Variants in RBFOX1 observed in about 807,000 individuals in gnomAD.
RBFOX1 encodes RNA binding fox-1 homolog 1.
RBFOX1 carries 8 observed loss-of-function variants against 57.7 expected under a neutral mutation model. The observed-to-expected ratio is 0.14, with a 90% CI of 0.08 to 0.25. The LOEUF (loss-of-function observed/expected upper bound fraction) is 0.25, where lower values mean the gene tolerates loss of function less well. Among genes scored for constraint, RBFOX1 ranks in the 10% least tolerant of loss-of-function variants. The pLI, the probability that RBFOX1 is intolerant of heterozygous loss-of-function variation, is 1.00. For missense variants in RBFOX1, 611 were observed against 548.5 expected (o/e 1.11, Z -1.14); for synonymous variants, 326 against 222.4 (o/e 1.47, Z -4.15).
chr16:5,650,104 C>G (rs2049185205), intron 3 of RBFOX1, among the ~76,000 whole-genome samples: 1 of 152,182 alleles, frequency 6.6e-6, no homozygotes, highest in African/African-American at 2.4e-5. Context: ...GATGAGCTTT[C>G]CTCTCAATAA....
At chr16:7,252,686 A>G (rs1295906944) in intron 4 of RBFOX1, among the ~76,000 whole-genome samples, 1 of 144,940 alleles carries the variant, frequency 6.9e-6, no homozygotes. Context: ...AACCTTTTTC[A>G]TTTACATCCT....
chr16:6,711,733 C>T (rs1408454603), intron 3 of RBFOX1, among the ~76,000 whole-genome samples: 1 of 152,162 alleles, frequency 6.6e-6, no homozygotes, highest in African/African-American at 2.4e-5. Context: ...TGGACCGATA[C>T]ACTCCTCACT....
At chr16:6,343,497 AT>A (rs1450898314) in intron 2 of RBFOX1, among the ~76,000 whole-genome samples, 10 of 152,314 alleles carry the variant, frequency 6.6e-5, no homozygotes, top group African/African-American at 2.4e-4. Context: ...GCCTCTTCTT[AT>A]CCCTCCTGAG....
intron 4 of RBFOX1, among the ~76,000 whole-genome samples, chr16:7,103,333 C>T (rs535132737): frequency 3.3e-5 from 5 of 152,154 alleles, no homozygotes; most frequent in Non-Finnish European, 7.4e-5. Context: ...TGTAGAATTG[C>T]CTATTAAGGG....
chr16:6,713,062 C>T (rs1339019718), intron 3 of RBFOX1, among the ~76,000 whole-genome samples: 1 of 151,920 alleles, frequency 6.6e-6, no homozygotes, highest in African/African-American at 2.4e-5. Flanking sequence ...CCTCCCCAGC[C>T]ATGTGAAACC....
chr16:7,301,308 G>C (rs906177401), intron 4 of RBFOX1, among the ~76,000 whole-genome samples: 1 of 152,202 alleles, frequency 6.6e-6, no homozygotes, highest in Non-Finnish European at 1.5e-5. Flanking sequence ...GTGTGTGATT[G>C]TGTTTGCATG....
At chr16:5,892,271 C>A (rs185935243) in intron 4 of RBFOX1, among the ~76,000 whole-genome samples, 2 of 152,218 alleles carry the variant, frequency 1.3e-5, no homozygotes, top group African/African-American at 4.8e-5. Context: ...TGAGGGGAGA[C>A]CAAGCCTGAT....
chr16:7,211,131 C>T (rs1406163473), intron 4 of RBFOX1, among the ~76,000 whole-genome samples: 3 of 150,512 alleles, frequency 2.0e-5, no homozygotes, highest in Non-Finnish European at 4.4e-5. Flanking sequence ...GTGGCTCACA[C>T]CTGTAATCCC....
chr16:6,886,422 C>T (rs1469551182), intron 3 of RBFOX1, among the ~76,000 whole-genome samples: 2 of 151,986 alleles, frequency 1.3e-5, no homozygotes, highest in South Asian at 2.1e-4. Flanking sequence ...TAAATTTTGT[C>T]CCGCTATTGA....
chr16:6,741,531 T>C (rs1006535086), intron 3 of RBFOX1, among the ~76,000 whole-genome samples: 5 of 151,860 alleles, frequency 3.3e-5, no homozygotes, highest in African/African-American at 1.2e-4. Context: ...AGGCTAACTT[T>C]GGTGGTGCGC....
At chr16:6,821,735 A>G (rs62017674) in intron 3 of RBFOX1, among the ~76,000 whole-genome samples, 35,038 of 152,166 alleles carry the variant, frequency 0.23, 4,976 homozygotes, top group Middle Eastern at 0.33. Context: ...TTTATGGCTG[A>G]ATAATATTCC....
intron 4 of RBFOX1, among the ~76,000 whole-genome samples, chr16:7,284,039 C>G (rs1016706294): frequency 6.6e-6 from 1 of 152,212 alleles, no homozygotes; most frequent in African/African-American, 2.4e-5. Context: ...ATCAGAAGTA[C>G]GTAGCCTTTA....
intron 3 of RBFOX1, among the ~76,000 whole-genome samples, chr16:6,905,954 C>T (rs957677673): frequency 6.6e-6 from 1 of 152,154 alleles, no homozygotes; most frequent in Non-Finnish European, 1.5e-5. Flanking sequence ...CCAAGGTGAG[C>T]TTTGTTAGGT....
chr16:6,515,107 G>C (rs186468154), intron 2 of RBFOX1, among the ~76,000 whole-genome samples: 75 of 151,962 alleles, frequency 4.9e-4, no homozygotes, highest in Admixed American at 2.1e-3. Flanking sequence ...GAGAAGAAAT[G>C]GGTGTATATT....
At position 6,788,674 on chromosome 16, in the gene RBFOX1, A is replaced by G. The variant is rs375485812; in HGVS notation, c.-16+134024A>G. ...GTATTTTTAGTAGAGACGGGGTTTCACCGTGTTAGCCAGGATGGTCTCTAT... is the reference window on the plus strand; with the variant it reads ...GTATTTTTAGTAGAGACGGGGTTTCGCCGTGTTAGCCAGGATGGTCTCTAT... On this transcript the variant is annotated intron_variant, in intron 3 of 15. Transcript: ENST00000550418. Among the ~76,000 whole-genome samples, 4 of 151,338 alleles carry G rather than the reference A, an allele frequency of 2.6e-5. No individual in the cohort carries two copies. In the South Asian group the frequency reaches 6.3e-4, roughly 24 times the overall value.
chr16:5,301,643 C>G (rs1176421461), intron 1 of RBFOX1, among the ~76,000 whole-genome samples: 1 of 124,416 alleles, frequency 8.0e-6, no homozygotes, highest in Non-Finnish European at 1.8e-5. Flanking sequence ...AAAAAACACA[C>G]AAAAACAAAA....
chr16:5,565,911 G>A (rs2046051308), intron 2 of RBFOX1, among the ~76,000 whole-genome samples: 1 of 152,028 alleles, frequency 6.6e-6, no homozygotes, highest in South Asian at 2.1e-4. Flanking sequence ...ATGTGTTGTG[G>A]GAGGGACCCG....
intron 4 of RBFOX1, among the ~76,000 whole-genome samples, chr16:7,088,265 G>A (rs971450756): frequency 6.6e-6 from 1 of 152,154 alleles, no homozygotes; most frequent in Admixed American, 6.5e-5. Flanking sequence ...TAGCTGTGAG[G>A]TATTTCATTT....
At chr16:6,843,511 A>T (rs1165439642) in intron 3 of RBFOX1, among the ~76,000 whole-genome samples, 1 of 151,890 alleles carries the variant, frequency 6.6e-6, no homozygotes, top group Non-Finnish European at 1.5e-5. Flanking sequence ...ACACTGTGAA[A>T]CCCCGTCTGT....
Sources: gnomAD v4.1 joint callset for allele counts (sites outside exome capture counted in the v4.1 genomes callset) on GRCh38, gnomAD v4.1.1 for gene constraint, MANE v1.5 for transcripts, NCBI Gene and HGNC (gene_info 2026-07-23, HGNC 2026-07-21) for gene names.